The following FDFT1 variants were observed in gnomAD, a reference collection of about 807,000 sequenced individuals.
FDFT1 encodes the protein farnesyl-diphosphate farnesyltransferase 1.
In FDFT1, 68 loss-of-function variants were observed where a neutral mutation model predicts 46.8. The ratio of observed to expected loss-of-function variants is 1.45; its 90% CI spans 1.19 to 1.78. The LOEUF is 1.78. Ranked by LOEUF, FDFT1 falls within the 40% of genes most tolerant of loss-of-function variation. The probability of loss-of-function intolerance (pLI) is 0.00; values close to 1 mark genes in which losing one functional copy is unlikely to be tolerated. For synonymous variants in FDFT1, 351 were observed against 185.1 expected (o/e 1.90, Z -7.28); for missense variants, 928 against 524.4 (o/e 1.77, Z -7.52).
Position 11,808,832 on chromosome 8 carries a change from T to C in FDFT1, c.138T>C (p.Tyr46=). The change falls in exon 2 of 8, where the codon TAT becomes TAC. Residue 46 remains tyrosine (Y), a synonymous_variant. Coordinates refer to ENST00000220584, the MANE Select transcript of FDFT1 (RefSeq NM_004462.5). ...LSSSLKTCYK[Y]LNQTSRSFAA... ...GCAGCCTGAAAACTTGCTACAAGTATCTCAATCAGACCAGTCGCAGTTTCG... is the reference window on the plus strand; with the variant it reads ...GCAGCCTGAAAACTTGCTACAAGTACCTCAATCAGACCAGTCGCAGTTTCG... 1.2e-6 allele frequency: 2 copies of C among 1,613,986 alleles called. No individual in the cohort carries two copies. Among genetic ancestry groups the C allele is most frequent in the South Asian group, 2.2e-5 (2 of 90,976 alleles).
chr8:11,831,513 T>G lies in FDFT1; in HGVS notation c.880-5T>G. Reference sequence around the variant, plus strand: ...CTTTTTTCCCTCTCTTCTTGTTGTCTCTAGGTGATGGCCATTGCCACTTTG... The same window carrying G: ...CTTTTTTCCCTCTCTTCTTGTTGTCGCTAGGTGATGGCCATTGCCACTTTG... On this transcript the variant is annotated splice_region_variant and splice_polypyrimidine_tract_variant and intron_variant, in intron 6 of 7. Transcript: ENST00000220584. 6.2e-7 allele frequency: 1 copy of G among 1,613,730 alleles called. No individual in the cohort carries two copies. The highest frequency in any genetic ancestry group is 1.1e-5 in the South Asian group (1 of 91,044).
chr8:11,810,338 C>T (rs927650306), intron 3 of FDFT1, among the ~76,000 whole-genome samples: 1 of 152,166 alleles, frequency 6.6e-6, no homozygotes, highest in Non-Finnish European at 1.5e-5. Context: ...CTTGACTACC[C>T]GGAGCCTGGT....
rs145118363 is a variant in FDFT1, at chr8:11,809,770, C to T, written c.301C>T (p.His101Tyr). The T allele has an allele frequency of 6.2e-7, 1 of 1,614,192 alleles. No individual in the cohort carries two copies. The highest frequency in any genetic ancestry group is 8.5e-7 in the Non-Finnish European group (1 of 1,180,008). ...EKKVPLLHNF[H>Y]SFLYQPDWRF... ...GAAGGTCCCGCTGTTACACAACTTTCACTCTTTCCTTTACCAACCAGACTG... is the reference window on the plus strand; with the variant it reads ...GAAGGTCCCGCTGTTACACAACTTTTACTCTTTCCTTTACCAACCAGACTG... The change falls in exon 3 of 8, where the codon CAC becomes TAC. Residue 101 changes from histidine (H) to tyrosine (Y), a missense_variant. Coordinates refer to ENST00000220584, the MANE Select transcript of FDFT1 (RefSeq NM_004462.5).
At chr8:11,818,245 TTC>T (rs1376578337) in intron 3 of FDFT1, among the ~76,000 whole-genome samples, 1 of 152,220 alleles carries the variant, frequency 6.6e-6, no homozygotes, top group African/African-American at 2.4e-5. Flanking sequence ...GTAATTTCTG[TTC>T]TTTTACATTT....
In FDFT1 at chr8:11,817,446, G is replaced by T. The variant is rs147435483; in HGVS notation, c.382-4304G>T. 1.4e-3 allele frequency among the ~76,000 whole-genome samples: 219 copies of T among 152,316 alleles called. 2 individuals carry two copies. In the East Asian group the frequency reaches 0.019, roughly 13 times the overall value. On this transcript the variant is annotated intron_variant, in intron 3 of 7. Transcript: ENST00000220584. ...AATAGTTTCAGAAGGAATGGTACCA[G>T]CTCCTCTTTGTACCTCTGGTAGAAT...
At chr8:11,836,771 C>G (rs908722070) in intron 7 of FDFT1, among the ~76,000 whole-genome samples, 1 of 152,210 alleles carries the variant, frequency 6.6e-6, no homozygotes, top group Non-Finnish European at 1.5e-5. Flanking sequence ...TGGAGTGGCT[C>G]ACGCCTGTAA....
chr8:11,826,301 A>G, intron 5 of FDFT1, 86 bp downstream of exon 5: 2 of 1,073,288 alleles, frequency 1.9e-6, no homozygotes, highest in South Asian at 3.7e-5. Flanking sequence ...GGGTGACAGA[A>G]AAACAAGTCA....
At chr8:11,799,508 A>G (rs1585830045), upstream of FDFT1, among the ~76,000 whole-genome samples, 1 of 152,310 alleles carries the variant, frequency 6.6e-6, no homozygotes, top group East Asian at 1.9e-4. Context: ...ATTGCCACAG[A>G]GTCTGTTCCG....
chr8:11,826,179 A>G lies in FDFT1; in HGVS notation c.666A>G (p.Glu222=). ...QKTNIIRDYL[E]DQQGGREFWP... is the part of the protein sequence containing the mutation. Reference sequence around the variant, plus strand: ...CAAACATCATCCGTGACTATCTGGAAGACCAGCAAGGAGGAAGAGAGTTCT... The same window carrying G: ...CAAACATCATCCGTGACTATCTGGAGGACCAGCAAGGAGGAAGAGAGTTCT... The change falls in exon 5 of 8, where the codon GAA becomes GAG. Residue 222 remains glutamate (E), a synonymous_variant. Coordinates refer to ENST00000220584, the MANE Select transcript of FDFT1 (RefSeq NM_004462.5). 1 of 1,583,322 alleles carries G rather than the reference A, an allele frequency of 6.3e-7. No homozygotes were observed. The highest frequency in any genetic ancestry group is 2.3e-5 in the East Asian group (1 of 44,288).
intron 3 of FDFT1, among the ~76,000 whole-genome samples, chr8:11,821,315 G>A (rs553400180): frequency 2.8e-4 from 43 of 152,284 alleles, no homozygotes; most frequent in Middle Eastern, 3.4e-3. Context: ...ACATGAGGCC[G>A]GGCTCAGTGG....
chr8:11,805,480 T>A (rs962653405), intron 1 of FDFT1, among the ~76,000 whole-genome samples: 1 of 152,202 alleles, frequency 6.6e-6, no homozygotes, highest in Non-Finnish European at 1.5e-5. Flanking sequence ...TCCTGTTATT[T>A]AGACTAATAT....
intron 1 of FDFT1, chr8:11,808,451 C>T: frequency 2.4e-6 from 3 of 1,269,996 alleles, no homozygotes; most frequent in Non-Finnish European, 3.0e-6. Context: ...CGTCCCGCCC[C>T]TCGTCGGGCG....
At chr8:11,830,812 G>A (rs543646260) in intron 6 of FDFT1, among the ~76,000 whole-genome samples, 4 of 152,186 alleles carry the variant, frequency 2.6e-5, no homozygotes, top group African/African-American at 7.2e-5. Context: ...TCCTAGACCC[G>A]GCATAAAAAG....
intron 7 of FDFT1, among the ~76,000 whole-genome samples, chr8:11,835,124 C>CT (rs1183396128): frequency 6.6e-6 from 1 of 152,202 alleles, no homozygotes; most frequent in African/African-American, 2.4e-5. Flanking sequence ...GGCCCTTTCT[C>CT]AAACCCCTCA....
chr8:11,806,760 C>G (rs182981873), intron 1 of FDFT1, among the ~76,000 whole-genome samples: 3 of 152,276 alleles, frequency 2.0e-5, no homozygotes, highest in Admixed American at 6.5e-5. Context: ...GTTTCTTTCA[C>G]TCTGAAATCC....
rs373376185 is a variant in FDFT1, at chr8:11,802,841, C to G, written c.9C>G (p.Phe3Leu). The G allele has an allele frequency of 1.4e-5, 22 of 1,610,094 alleles. No individual in the cohort carries two copies. The South Asian group carries it at 2.1e-4, about 15-fold the overall frequency. The change falls in exon 1 of 8, where the codon TTC (phenylalanine) becomes TTG (leucine). Residue 3 changes from phenylalanine to leucine, a missense_variant. Transcript: ENST00000220584. ...CCGCCGCCTGCGCCAGGATGGAGTT[C>G]GTGAAATGCCTTGGCCACCCCGAAG... ME[F>L]VKCLGHPEEF...
intron 1 of FDFT1, among the ~76,000 whole-genome samples, chr8:11,805,566 C>T (rs12543505): frequency 0.012 from 1,852 of 152,256 alleles, 51 homozygotes; most frequent in Admixed American, 0.054. Flanking sequence ...ACCTCTGAAC[C>T]ACAGTTACTT....
In FDFT1 at chr8:11,809,778, C is replaced by A. The variant is rs574536561; in HGVS notation, c.309C>A (p.Phe103Leu). 9.9e-6 allele frequency: 16 copies of A among 1,614,200 alleles called. No homozygotes were observed. The highest frequency in any genetic ancestry group is 1.4e-5 in the Non-Finnish European group (16 of 1,180,028). Residue 103 changes from phenylalanine to leucine, a missense_variant, in exon 3 of 8, where the codon TTC becomes TTA. By Grantham distance (22) the Phe-to-Leu change is conservative (BLOSUM62 0). Coordinates refer to ENST00000220584, the MANE Select transcript of FDFT1 (RefSeq NM_004462.5). The part of the protein sequence containing the change: ...KVPLLHNFHS[F>L]LYQPDWRFME... The stretch of plus-strand genomic sequence containing the variant: ...CGCTGTTACACAACTTTCACTCTTT[C>A]CTTTACCAACCAGACTGGCGGTTCA...
At chr8:11,808,077 TC>T in intron 1 of FDFT1, 1 of 185,438 alleles carries the variant, frequency 5.4e-6, no homozygotes, top group East Asian at 1.8e-4. Context: ...TGGAACCTAA[TC>T]GGCTGTCTAG....
Sources: gnomAD v4.1 joint callset for allele counts (sites outside exome capture counted in the v4.1 genomes callset) on GRCh38, gnomAD v4.1.1 for gene constraint, MANE v1.5 for transcripts, NCBI Gene and HGNC (gene_info 2026-07-23, HGNC 2026-07-21) for gene names.